Variants in CCDC92 observed in about 807,000 individuals in gnomAD.
CCDC92 encodes the protein coiled-coil domain-containing protein 92.
CCDC92 carries 12 observed loss-of-function variants against 24.9 expected under a neutral mutation model. The observed-to-expected ratio is 0.48, with a 90% CI of 0.31 to 0.78. The LOEUF (loss-of-function observed/expected upper bound fraction) is 0.78. CCDC92 is among the 30% of genes least tolerant of loss of function. The probability of loss-of-function intolerance (pLI) is 0.05; values close to 1 mark genes in which losing one functional copy is unlikely to be tolerated. For missense variants in CCDC92, 399 were observed against 439.4 expected, an observed-to-expected ratio of 0.91 and a Z score of 0.82; for synonymous variants, 193 against 196.3, an observed-to-expected ratio of 0.98 and a Z score of 0.14.
intron 1 of CCDC92, chr12:123,972,036 C>T (rs1232666176): frequency 1.3e-5 from 2 of 152,414 alleles, no homozygotes; most frequent in East Asian, 1.9e-4. Context: ...CCGGGCTAGG[C>T]CCCGGGGCGC....
chr12:123,960,112 A>T (rs1289301874), intron 1 of CCDC92, among the ~76,000 whole-genome samples: 2 of 152,182 alleles, frequency 1.3e-5, no homozygotes, highest in Non-Finnish European at 2.9e-5. Context: ...TAGCATGTAA[A>T]CTCCAGGAGA....
At chr12:123,958,874 A>G (rs550230929) in intron 1 of CCDC92, among the ~76,000 whole-genome samples, 27 of 152,328 alleles carry the variant, frequency 1.8e-4, no homozygotes, top group South Asian at 1.0e-3. Flanking sequence ...TGACAGGCCT[A>G]CATTTTTCCT....
chr12:123,942,375 C>T (rs780272331), intron 4 of CCDC92, among the ~76,000 whole-genome samples: 38 of 152,228 alleles, frequency 2.5e-4, no homozygotes, highest in East Asian at 7.7e-4. Flanking sequence ...GGAGCGGGGG[C>T]GGTTCTGCCC....
chr12:123,965,676 A>G (rs906630803), intron 1 of CCDC92, among the ~76,000 whole-genome samples: 1 of 152,204 alleles, frequency 6.6e-6, no homozygotes, highest in Non-Finnish European at 1.5e-5. Context: ...CAGGCCCCAC[A>G]TCGTAGAAGG....
chr12:123,964,653 C>CA (rs1956349373), intron 1 of CCDC92, among the ~76,000 whole-genome samples: 1 of 152,180 alleles, frequency 6.6e-6, no homozygotes, highest in South Asian at 2.1e-4. Context: ...ACTTGCCTTA[C>CA]AGAACAGCTC....
rs528885604 is a variant in CCDC92 at position 123,947,357 on chromosome 12, G to A, written c.-59-2993C>T. ...GCTGAGGAGTGCAAACGTACGGCGC[G>A]GGACTGGCAGGCAGCTCCACCTGCA... On this transcript the variant is annotated intron_variant, in intron 1 of 4. Transcript: ENST00000238156. Among the ~76,000 whole-genome samples, 21 of 152,342 alleles carry A rather than the reference G, an allele frequency of 1.4e-4. No individual in the cohort carries two copies. The South Asian group carries it at 2.3e-3, about 17-fold the overall frequency.
chr12:123,940,485 A>G (rs529301756), intron 4 of CCDC92, among the ~76,000 whole-genome samples: 9 of 152,184 alleles, frequency 5.9e-5, no homozygotes, highest in Non-Finnish European at 1.3e-4. Context: ...TGTGGGAAGG[A>G]GCTGGTACGA....
chr12:123,961,062 G>A (rs1157530303), intron 1 of CCDC92: 1 of 152,204 alleles, frequency 6.6e-6, no homozygotes, highest in East Asian at 1.9e-4. Context: ...ATGAGACTCA[G>A]CAACTAAAGT....
At position 123,945,505 on chromosome 12, in the gene CCDC92, G is replaced by A. The variant is rs1018359133; in HGVS notation, c.-59-1141C>T. On this transcript the variant is annotated intron_variant, in intron 1 of 4. Coordinates refer to ENST00000238156, the MANE Select transcript of CCDC92 (RefSeq NM_025140.3). ...TCAGCGTGTGGCACACGTGTGCCGCGTGCTTGCTGTGGAAAGGGTGAGCAC... is the reference window on the plus strand; with the variant it reads ...TCAGCGTGTGGCACACGTGTGCCGCATGCTTGCTGTGGAAAGGGTGAGCAC... 17 of 152,284 alleles carry A rather than the reference G, an allele frequency of 1.1e-4. 1 individual carries two copies. The highest frequency in any genetic ancestry group is 3.1e-4 in the African/African-American group (13 of 41,458). 9.4% of individuals were successfully genotyped at this position (152,284 alleles called of 1,614,324 possible).
chr12:123,962,517 G>C (rs1486138592), intron 1 of CCDC92: 1 of 152,544 alleles, frequency 6.6e-6, no homozygotes, highest in Non-Finnish European at 1.5e-5. Context: ...GGGGCTTGGG[G>C]TTCCTCTCTT....
intron 1 of CCDC92, among the ~76,000 whole-genome samples, chr12:123,964,222 A>C (rs1956339232): frequency 6.6e-6 from 1 of 152,260 alleles, no homozygotes; most frequent in African/African-American, 2.4e-5. Flanking sequence ...TTTAAACGTA[A>C]CAGGTACAAA....
chr12:123,969,461 G>GGT (rs1956471290), intron 1 of CCDC92, among the ~76,000 whole-genome samples: 5 of 93,048 alleles, frequency 5.4e-5, no homozygotes, highest in African/African-American at 2.3e-4. Flanking sequence ...CTCTTATTCA[G>GGT]TTTTTTTTTT....
chr12:123,955,870 AGAG>A (rs1438315649), intron 1 of CCDC92, among the ~76,000 whole-genome samples: 1 of 152,248 alleles, frequency 6.6e-6, no homozygotes, highest in African/African-American at 2.4e-5. Flanking sequence ...AACAGGCATC[AGAG>A]AAGATGACTG....
intron 4 of CCDC92, 120 bp downstream of exon 4, chr12:123,942,622 CCA>C (rs35650208): frequency 0.17 from 134,517 of 801,254 alleles, 11,552 homozygotes; most frequent in Middle Eastern, 0.23. Flanking sequence ...AGAGCTCAGG[CCA>C]CACGCATAAC....
intron 1 of CCDC92, among the ~76,000 whole-genome samples, chr12:123,958,991 A>G (rs1308755390): frequency 1.3e-5 from 2 of 152,178 alleles, no homozygotes; most frequent in Admixed American, 1.3e-4. Flanking sequence ...TTGAAAGTGG[A>G]TCACACAGAT....
At position 123,959,143 on chromosome 12, in the gene CCDC92, G is replaced by A. The variant is rs138800613; in HGVS notation, c.-60+13386C>T. On this transcript the variant is annotated intron_variant, in intron 1 of 4. Transcript: ENST00000238156. Reference sequence around the variant, plus strand: ...CTTGGGCAAGTCACACGTAACTCCCGTGCCTTACTTCCTCATCTGCAAAAT... The same window carrying A: ...CTTGGGCAAGTCACACGTAACTCCCATGCCTTACTTCCTCATCTGCAAAAT... Among the ~76,000 whole-genome samples the A allele has an allele frequency of 6.6e-5, 10 of 152,284 alleles. No individual in the cohort carries two copies. In the East Asian group the frequency reaches 1.7e-3, roughly 26 times the overall value.
chr12:123,968,196 C>CT (rs969691061), intron 1 of CCDC92: 1 of 152,196 alleles, frequency 6.6e-6, no homozygotes, highest in African/African-American at 2.4e-5. Flanking sequence ...AAACTTACTC[C>CT]TTCACAGAAG....
intron 1 of CCDC92, among the ~76,000 whole-genome samples, chr12:123,963,329 C>T (rs1186052575): frequency 6.6e-6 from 1 of 152,216 alleles, no homozygotes; most frequent in African/African-American, 2.4e-5. Flanking sequence ...GGAGGGCAAA[C>T]TCTCACCACA....
In CCDC92 at chr12:123,948,054, C is replaced by T. The variant is rs147473332; in HGVS notation, c.-59-3690G>A. Among the ~76,000 whole-genome samples the T allele has an allele frequency of 6.6e-3, 1,003 of 152,302 alleles. 6 individuals are homozygous for T. Among genetic ancestry groups the T allele is most frequent in the African/African-American group, 0.022 (933 of 41,552 alleles). ...CTGTAACACTCACGGCGAGGGTCTG[C>T]GGCTTCATTCTTGAAGTCAGTGAGA... is the stretch of plus-strand genomic sequence containing the variant. On this transcript the variant is annotated intron_variant, in intron 1 of 4. Transcript: ENST00000238156.
Sources: allele counts gnomAD v4.1 joint callset (sites outside exome capture counted in the v4.1 genomes callset), GRCh38; gene constraint gnomAD v4.1.1; transcripts MANE v1.5; gene names NCBI Gene and HGNC (gene_info 2026-07-23, HGNC 2026-07-21).